Variants in CALY observed in about 807,000 individuals in gnomAD.
The protein encoded by CALY is calcyon neuron specific vesicular protein.
In CALY, 15 loss-of-function variants were observed where a neutral mutation model predicts 20.2. The observed-to-expected ratio is 0.74, with a 90% CI of 0.50 to 1.14. The LOEUF (loss-of-function observed/expected upper bound fraction) is 1.14, where lower values mean the gene tolerates loss of function less well. Ranked by LOEUF, CALY falls within the 50% of genes most tolerant of loss-of-function variation. The pLI, the probability that CALY is intolerant of heterozygous loss-of-function variation, is 0.00. For synonymous variants in CALY, 129 were observed against 131.8 expected, an observed-to-expected ratio of 0.98 and a Z score of 0.15; for missense variants, 270 against 304.4, an observed-to-expected ratio of 0.89 and a Z score of 0.84.
Position 133,328,964 on chromosome 10 carries a change from G to T in CALY, c.26C>A (p.Ser9Tyr). 1 of 1,565,376 alleles carries T rather than the reference G, an allele frequency of 6.4e-7. No individual in the cohort carries two copies. The highest frequency in any genetic ancestry group is 2.3e-5 in the East Asian group (1 of 42,670). ...CCCAGGGTCTTTACCTGGCTTCCCAGAGAAGCTGCAGCCCAGCTTCACCAT... is the reference window on the plus strand; with the variant it reads ...CCCAGGGTCTTTACCTGGCTTCCCATAGAAGCTGCAGCCCAGCTTCACCAT... Reference protein sequence around the residue: MVKLGCSFSGKPGKDPGDQ... With the variant: MVKLGCSFYGKPGKDPGDQ... Residue 9 changes from serine to tyrosine, a missense_variant, in exon 2 of 6, where the codon TCT (serine) becomes TAT (tyrosine). Coordinates refer to ENST00000252939, the MANE Select transcript of CALY (RefSeq NM_015722.4).
chr10:133,333,157 A>G (rs1405066462), intron 1 of CALY, among the ~76,000 whole-genome samples: 1 of 151,592 alleles, frequency 6.6e-6, no homozygotes, highest in Non-Finnish European at 1.5e-5. Context: ...GCGGTCACAG[A>G]GCTTCTGCCC....
intron 1 of CALY, among the ~76,000 whole-genome samples, chr10:133,335,439 C>T (rs1848422872): frequency 6.6e-6 from 1 of 152,214 alleles, no homozygotes; most frequent in Non-Finnish European, 1.5e-5. Flanking sequence ...ACTTCAAATC[C>T]AACTCCTCGG....
rs780762993 is a variant in CALY, at chr10:133,328,870, C to T, written c.120G>A (p.Pro40=). The change falls in exon 2 of 6, where the codon CCG becomes CCA. Residue 40 remains proline (P), a synonymous_variant. Transcript: ENST00000252939. The part of the protein sequence containing the change: ...ISPLDISQLQ[P]PLPDQVVIKT... The stretch of plus-strand genomic sequence containing the variant: ...AGGCCCTCACCTGGTCAGGGAGTGG[C>T]GGCTGGAGCTGGCTGATGTCCAAGG... 35 of 1,544,130 alleles carry T rather than the reference C, an allele frequency of 2.3e-5. No homozygotes were observed. Among genetic ancestry groups the T allele is most frequent in the Middle Eastern group, 1.9e-4 (1 of 5,394 alleles).
At position 133,324,431 on chromosome 10, in the gene CALY, TGGTGGG is replaced by T. The variant is rs1848169596; in HGVS notation, c.*1158_*1163del. ...CCTAGCCAGCAAGCCTGGGAGCCAA[TGGTGGG>T]GGGCTTCCATCCACCAATGGTCGGG... On this transcript the variant is annotated 3_prime_UTR_variant, in exon 6 of 6. Coordinates refer to ENST00000252939, the MANE Select transcript of CALY (RefSeq NM_015722.4). 1 of 394,434 alleles carries T rather than the reference TGGTGGG, an allele frequency of 2.5e-6. No individual in the cohort carries two copies. The highest frequency in any genetic ancestry group is 5.0e-6 in the Non-Finnish European group (1 of 198,998). The allele number at this position is 394,434 out of a possible 1,614,324, so 24.4% of individuals were successfully genotyped here. A position where few individuals can be genotyped will look rare whatever the true frequency, so the allele number is the denominator to read the frequency against.
At chr10:133,334,718 C>T (rs1287895510) in intron 1 of CALY, among the ~76,000 whole-genome samples, 1 of 151,290 alleles carries the variant, frequency 6.6e-6, no homozygotes, top group Non-Finnish European at 1.5e-5. Context: ...GGCCGGTGAA[C>T]GAGGGCTGGG....
intron 2 of CALY, among the ~76,000 whole-genome samples, chr10:133,328,565 G>T (rs765301673): frequency 3.5e-4 from 54 of 152,368 alleles, no homozygotes; most frequent in Non-Finnish European, 7.1e-4. Context: ...GGTGGGAAGC[G>T]TTGCCTGCTG....
intron 2 of CALY, 76 bp downstream of exon 2, chr10:133,328,779 T>G: frequency 1.4e-6 from 2 of 1,418,642 alleles, no homozygotes; most frequent in East Asian, 2.5e-5. Flanking sequence ...AGGCCATATC[T>G]AGACAAACCT....
In CALY at chr10:133,326,030, A is replaced by T; in HGVS notation, c.451T>A (p.Tyr151Asn). The T allele has an allele frequency of 6.3e-7, 1 of 1,589,284 alleles. No individual in the cohort carries two copies. Among genetic ancestry groups the T allele is most frequent in the Non-Finnish European group, 8.6e-7 (1 of 1,168,254 alleles). Residue 151 changes from tyrosine (Y) to asparagine (N), a missense_variant, in exon 5 of 6, where the codon TAC (tyrosine) becomes AAC (asparagine). Tyr to Asn is a moderately radical substitution (Grantham distance 143, BLOSUM62 -2). Coordinates refer to ENST00000252939, the MANE Select transcript of CALY (RefSeq NM_015722.4). ...HRSILAAIGA[Y>N]PLSRKHGTET... Reference sequence around the variant, plus strand: ...GTGCCGTGCTTGCGGCTCAGCGGGTAGGCCCCGATGGCCGCCAGGATGCTG... The same window carrying T: ...GTGCCGTGCTTGCGGCTCAGCGGGTTGGCCCCGATGGCCGCCAGGATGCTG...
intron 3 of CALY, chr10:133,327,411 A>G (rs1848232103): frequency 6.2e-6 from 3 of 481,052 alleles, no homozygotes; most frequent in Non-Finnish European, 1.1e-5. Flanking sequence ...GCAGACTGGA[A>G]CGTGAGGCCA....
At chr10:133,327,847 C>T in intron 3 of CALY, 58 bp downstream of exon 3, 1 of 1,180,140 alleles carries the variant, frequency 8.5e-7, no homozygotes, top group Non-Finnish European at 1.3e-6. Flanking sequence ...CCCCCAGCTG[C>T]CTTCCACCTT....
At chr10:133,336,716 G>C (rs746966672) in intron 1 of CALY, 118 bp downstream of exon 1, 138 of 153,092 alleles carry the variant, frequency 9.0e-4, no homozygotes, top group Non-Finnish European at 1.5e-3. Context: ...CGCGCGCCAC[G>C]CACAAGCGCA....
chr10:133,336,528 C>G (rs3810958), intron 1 of CALY, among the ~76,000 whole-genome samples: 3 of 152,134 alleles, frequency 2.0e-5, no homozygotes, highest in Admixed American at 2.0e-4. Context: ...CTGCGATCCT[C>G]GTGCCGGGGC....
At chr10:133,334,580 C>G (rs1304091028) in intron 1 of CALY, among the ~76,000 whole-genome samples, 1 of 124,816 alleles carries the variant, frequency 8.0e-6, no homozygotes, top group Non-Finnish European at 1.7e-5. Flanking sequence ...GGGGGAAGGA[C>G]ATGAGGGAGA....
intron 1 of CALY, among the ~76,000 whole-genome samples, chr10:133,333,621 G>A (rs1269801010): frequency 1.3e-5 from 2 of 151,402 alleles, no homozygotes; most frequent in African/African-American, 4.9e-5. Flanking sequence ...GAGAGGGAGG[G>A]CTCTGAGGGG....
intron 1 of CALY, among the ~76,000 whole-genome samples, chr10:133,335,510 T>C (rs1391423437): frequency 6.6e-6 from 1 of 152,162 alleles, no homozygotes; most frequent in African/African-American, 2.4e-5. Flanking sequence ...AGACGCGTCT[T>C]CAGGAAGAAA....
At chr10:133,328,358 C>T (rs1292843856) in intron 2 of CALY, among the ~76,000 whole-genome samples, 1 of 152,156 alleles carries the variant, frequency 6.6e-6, no homozygotes, top group Non-Finnish European at 1.5e-5. Context: ...AGCATAGATG[C>T]TGCCCCCACC....
chr10:133,327,752 C>A lies in CALY; in HGVS notation c.246+153G>T, dbSNP rs1848237726. ...GGTGGGTGCAGGGCAGCCGGTGGGG[C>A]CAGCTCTGGGCGGGATGACTCACTG... On this transcript the variant is annotated intron_variant, in intron 3 of 5. Transcript: ENST00000252939. The A allele has an allele frequency of 5.6e-6, 4 of 717,114 alleles. No homozygotes were observed. In the South Asian group the frequency reaches 5.9e-5, roughly 11 times the overall value. 44.4% of individuals were successfully genotyped at this position (717,114 alleles called of 1,614,324 possible). A position where few individuals can be genotyped will look rare whatever the true frequency, so the allele number is the denominator to read the frequency against.
chr10:133,333,733 G>C (rs1419477253), intron 1 of CALY, among the ~76,000 whole-genome samples: 1 of 148,194 alleles, frequency 6.7e-6, no homozygotes, highest in Non-Finnish European at 1.5e-5. Context: ...GAGGGGGAAA[G>C]ATCTGAGAGT....
chr10:133,331,233 G>A (rs954857669), intron 1 of CALY, among the ~76,000 whole-genome samples: 2 of 152,128 alleles, frequency 1.3e-5, no homozygotes, highest in East Asian at 1.9e-4. Context: ...AAAGTGCCTC[G>A]ATCTGCGGTT....
Sources: allele counts gnomAD v4.1 joint callset (sites outside exome capture counted in the v4.1 genomes callset), GRCh38; gene constraint gnomAD v4.1.1; transcripts MANE v1.5; gene names NCBI Gene and HGNC (gene_info 2026-07-23, HGNC 2026-07-21).